The following POLR1B variants were observed in gnomAD, a reference collection of about 807,000 sequenced individuals.
POLR1B encodes the protein DNA-directed RNA polymerase I subunit RPA2.
A neutral mutation model predicts 105.8 loss-of-function variants in POLR1B; 30 were observed. The observed-to-expected ratio is 0.28, with a 90% confidence interval of 0.21 to 0.38. The LOEUF is 0.38. POLR1B is among the 10% of genes least tolerant of loss of function. POLR1B has a pLI of 1.00. For synonymous variants in POLR1B, 485 were observed against 505.1 expected (o/e 0.96, Z 0.53); for missense variants, 976 against 1,435.8 (o/e 0.68, Z 5.17).
chr2:112,552,806 T>C lies in POLR1B; in HGVS notation c.1148T>C (p.Met383Thr). The stretch of plus-strand genomic sequence containing the variant: ...CTCACACCGGGTCAGCTCTTCCTTA[T>C]GTTCCTGAAGGTAAATGCATGCTAT... ...EVLTPGQLFL[M>T]FLKEKLEGWL... Residue 383 changes from methionine (M) to threonine (T), a missense_variant, in exon 7 of 15, where the codon ATG becomes ACG. Transcript: ENST00000263331. The C allele has an allele frequency of 2.5e-6, 4 of 1,588,844 alleles. No individual in the cohort carries two copies. The highest frequency in any genetic ancestry group is 3.4e-6 in the Non-Finnish European group (4 of 1,169,328).
intron 13 of POLR1B, 112 bp downstream of exon 13, chr2:112,572,870 C>T (rs1684663371): frequency 3.4e-6 from 3 of 875,296 alleles, no homozygotes; most frequent in South Asian, 2.1e-5. Context: ...GTATTTGGCA[C>T]GTGATGTTCT....
At chr2:112,568,939 A>G in intron 12 of POLR1B, 37 bp downstream of exon 12, 2 of 1,584,788 alleles carry the variant, frequency 1.3e-6, no homozygotes, top group Non-Finnish European at 1.7e-6. Context: ...CACAATCAGG[A>G]AAGTAAACTT....
intron 1 of POLR1B, among the ~76,000 whole-genome samples, chr2:112,546,733 T>G (rs1683071755): frequency 6.6e-6 from 1 of 151,686 alleles, no homozygotes; most frequent in Non-Finnish European, 1.5e-5. Context: ...GGCTAATTTT[T>G]TTTGTATTTT....
Position 112,564,367 on chromosome 2 carries a change from G to C in POLR1B, c.1614G>C (p.Gly538=), listed in dbSNP as rs6719657. The change falls in exon 10 of 15, where the codon GGG becomes GGC. Residue 538 remains glycine, a splice_region_variant and synonymous_variant. Transcript: ENST00000263331. ...TGTGCTGTTTGTTTCCTTTACCAGGGGTCACTCCCATTGATGGAGCTCCCC... is the reference window on the plus strand; with the variant it reads ...TGTGCTGTTTGTTTCCTTTACCAGGCGTCACTCCCATTGATGGAGCTCCCC... The part of the protein sequence containing the change: ...ASIPALLCNL[G]VTPIDGAPHR... 5.9e-3 allele frequency: 9,506 copies of C among 1,613,916 alleles called. 488 individuals are homozygous for C. The African/African-American group carries it at 0.11, about 19-fold the overall frequency.
In POLR1B at chr2:112,559,312, T is replaced by C; in HGVS notation, c.1350T>C (p.Asp450=). ...ATTAAGGTCTTGGCCTCCTACAAGA[T>C]TCTGGACTTTGTGTTGTGGCTGACA... ...RSKTGLGLLQ[D]SGLCVVADKL... Residue 450 remains aspartate, a synonymous_variant, in exon 9 of 15, where the codon GAT becomes GAC. Coordinates refer to ENST00000263331, the MANE Select transcript of POLR1B (RefSeq NM_019014.6). The C allele has an allele frequency of 6.2e-7, 1 of 1,614,170 alleles. No individual in the cohort carries two copies. The highest frequency in any genetic ancestry group is 8.5e-7 in the Non-Finnish European group (1 of 1,180,030).
chr2:112,574,870 A>C lies in POLR1B; in HGVS notation c.2549A>C (p.Asp850Ala), dbSNP rs758716443. The change falls in exon 15 of 15, where the codon GAT becomes GCT. Residue 850 changes from aspartate to alanine, a missense_variant. By Grantham distance (126) the Asp-to-Ala change is moderately radical. This residue lies in a region of POLR1B where 119 missense variants were observed against 149.7 expected (regional missense o/e 0.79). Transcript: ENST00000263331. ...YYKSKENCVVDNIKVCSNDTG... is the reference protein window; with the variant it reads ...YYKSKENCVVANIKVCSNDTG... ...AGGAGTAAAGAAAATTGTGTTGTGGATAACATCAAAGTGTGCAGTAATGAC... is the reference window on the plus strand; with the variant it reads ...AGGAGTAAAGAAAATTGTGTTGTGGCTAACATCAAAGTGTGCAGTAATGAC... 1 of 1,610,726 alleles carries C rather than the reference A, an allele frequency of 6.2e-7. No homozygotes were observed. Among genetic ancestry groups the C allele is most frequent in the East Asian group, 2.2e-5 (1 of 44,782 alleles).
rs752760513 is a variant in POLR1B, at chr2:112,573,684, T to C, written c.2394T>C (p.Pro798=). 1 of 1,614,216 alleles carries C rather than the reference T, an allele frequency of 6.2e-7. No homozygotes were observed. Among genetic ancestry groups the C allele is most frequent in the South Asian group, 1.1e-5 (1 of 91,090 alleles). Residue 798 remains proline (P), a synonymous_variant, in exon 14 of 15, where the codon CCT becomes CCC. Transcript: ENST00000263331. The part of the protein sequence containing the change: ...GDSSLVFGIK[P]GDPRVLQKLD... Reference sequence around the variant, plus strand: ...GTAGCCTGGTGTTTGGCATCAAACCTGGTGACCCACGCGTTCTGCAGAAGT... The same window carrying C: ...GTAGCCTGGTGTTTGGCATCAAACCCGGTGACCCACGCGTTCTGCAGAAGT...
intron 11 of POLR1B, 127 bp from the exon 12 acceptor site, chr2:112,568,619 C>T: frequency 1.9e-6 from 2 of 1,054,216 alleles, no homozygotes; most frequent in Non-Finnish European, 2.8e-6. Flanking sequence ...TTGATCCCTT[C>T]AGCACTCATG....
At chr2:112,563,148 G>A (rs191548762) in intron 9 of POLR1B, among the ~76,000 whole-genome samples, 2,321 of 149,902 alleles carry the variant, frequency 0.015, 59 homozygotes, top group African/African-American at 0.049. Context: ...TCTGCCTCCC[G>A]GGTTCACGCC....
Position 112,575,660 on chromosome 2 carries a change from T to C in POLR1B, c.3339T>C (p.Pro1113=). 4 of 1,614,084 alleles carry C rather than the reference T, an allele frequency of 2.5e-6. No individual in the cohort carries two copies. Among genetic ancestry groups the C allele is most frequent in the Non-Finnish European group, 3.4e-6 (4 of 1,179,996 alleles). Residue 1113 remains proline, a synonymous_variant, in exon 15 of 15, where the codon CCT becomes CCC. Coordinates refer to ENST00000263331, the MANE Select transcript of POLR1B (RefSeq NM_019014.6). This position sits in a 1 kb window ranked among gnomAD's most constrained non-coding sequence, Gnocchi z 5.3. ...RSDTIDTVSV[P]YVFRYFVAEL... is the part of the protein sequence containing the mutation. ...ACACTATCGATACTGTTTCTGTGCCTTATGTTTTTCGGTATTTTGTAGCTG... is the reference window on the plus strand; with the variant it reads ...ACACTATCGATACTGTTTCTGTGCCCTATGTTTTTCGGTATTTTGTAGCTG...
intron 13 of POLR1B, 53 bp from the exon 14 acceptor site, chr2:112,573,509 T>C: frequency 6.4e-7 from 1 of 1,560,958 alleles, no homozygotes; most frequent in Admixed American, 2.0e-5. Context: ...CCTAGTTTTA[T>C]TTTGAAAATC....
chr2:112,558,678 G>A (rs1683798909), intron 8 of POLR1B, among the ~76,000 whole-genome samples: 1 of 152,002 alleles, frequency 6.6e-6, no homozygotes, highest in Non-Finnish European at 1.5e-5. Context: ...AAGTGCAGTG[G>A]CAGGATCATG....
chr2:112,551,502 A>G (rs1220879058), intron 5 of POLR1B, among the ~76,000 whole-genome samples: 1 of 152,094 alleles, frequency 6.6e-6, no homozygotes, highest in Non-Finnish European at 1.5e-5. Context: ...TATCTTTTTC[A>G]CCACATTCTC....
In POLR1B at chr2:112,542,629, C is replaced by G; in HGVS notation, c.135C>G (p.Ser45=). Residue 45 remains serine, a synonymous_variant, in exon 1 of 15, where the codon TCC becomes TCG. Transcript: ENST00000263331. ...LQELTRAHVE[S]FNYAVHEGLG... ...AGCTGACGCGGGCGCACGTGGAGTC[C>G]TTCAACTACGCTGTGCACGAGGGTC... 1.2e-6 allele frequency: 2 copies of G among 1,614,082 alleles called. No homozygotes were observed. The highest frequency in any genetic ancestry group is 1.6e-4 in the Middle Eastern group (1 of 6,062).
At chr2:112,546,969 C>T (rs770250659) in intron 1 of POLR1B, 43 bp from the exon 2 acceptor site, 1 of 1,597,036 alleles carries the variant, frequency 6.3e-7, no homozygotes, top group East Asian at 2.2e-5. Flanking sequence ...AGAAAAAATG[C>T]CTTGGAAATG....
At chr2:112,549,201 T>C in intron 3 of POLR1B, 66 bp from the exon 4 acceptor site, 2 of 1,565,728 alleles carry the variant, frequency 1.3e-6, no homozygotes, top group Non-Finnish European at 1.8e-6. Flanking sequence ...TGGCTAGGAG[T>C]GAGGTTCATG....
chr2:112,564,394 C>A lies in POLR1B; in HGVS notation c.1641C>A (p.His547Gln), dbSNP rs143567103. 2 of 1,614,244 alleles carry A rather than the reference C, an allele frequency of 1.2e-6. No individual in the cohort carries two copies. Among genetic ancestry groups the A allele is most frequent in the Non-Finnish European group, 1.7e-6 (2 of 1,180,030 alleles). Residue 547 changes from histidine to glutamine, a missense_variant, in exon 10 of 15, where the codon CAC (histidine) becomes CAA (glutamine). Coordinates refer to ENST00000263331, the MANE Select transcript of POLR1B (RefSeq NM_019014.6). ...LGVTPIDGAP[H>Q]RSYSECYPVL... ...TCACTCCCATTGATGGAGCTCCCCA[C>A]CGATCATACAGTGAGTGCTACCCTG...
chr2:112,573,322 C>T (rs1418658771), intron 13 of POLR1B, among the ~76,000 whole-genome samples: 4 of 152,160 alleles, frequency 2.6e-5, no homozygotes, highest in African/African-American at 4.8e-5. Context: ...AGGCTGGTCT[C>T]GAACTCCTGA....
chr2:112,575,015 G>A lies in POLR1B; in HGVS notation c.2694G>A (p.Pro898=), dbSNP rs149946383. 699 of 1,614,170 alleles carry A rather than the reference G, an allele frequency of 4.3e-4. 5 individuals are homozygous for A. The South Asian group carries it at 4.6e-3, about 11-fold the overall frequency. ...AGGGCATTTTAAGCAGATTGTGGCC[G>A]GCTGAGGACATGCCTTTTACTGAGA... ...GQKGILSRLW[P]AEDMPFTESG... Residue 898 remains proline, a synonymous_variant, in exon 15 of 15, where the codon CCG becomes CCA. Coordinates refer to ENST00000263331, the MANE Select transcript of POLR1B (RefSeq NM_019014.6). This position sits in a 1 kb window ranked among gnomAD's most constrained non-coding sequence, Gnocchi z 5.3.
Sources: gnomAD v4.1 joint callset for allele counts (sites outside exome capture counted in the v4.1 genomes callset) on GRCh38, gnomAD v4.1.1 for gene constraint, gnomAD v4.1.1 regional missense constraint, Gnocchi (gnomAD v3.1) non-coding constraint, MANE v1.5 for transcripts, NCBI Gene and HGNC (gene_info 2026-07-23, HGNC 2026-07-21) for gene names.